Variants in COL22A1 observed in about 807,000 individuals in gnomAD.
COL22A1 encodes collagen alpha-1(XXII) chain.
COL22A1 carries 221 observed loss-of-function variants against 248.9 expected under a neutral mutation model. That is an observed-to-expected ratio of 0.89 (90% CI 0.80 to 0.99). The LOEUF (loss-of-function observed/expected upper bound fraction) is 0.99, where lower values mean the gene tolerates loss of function less well. Among genes scored for constraint, COL22A1 ranks in the 50% least tolerant of loss-of-function variants. The pLI, the probability that COL22A1 is intolerant of heterozygous loss-of-function variation, is 0.00. For synonymous variants in COL22A1, 891 were observed against 793.4 expected (o/e 1.12, Z -2.07); for missense variants, 2,240 against 2,179.0 (o/e 1.03, Z -0.56).
chr8:138,650,670 TTAGATAGATAGATAGATAGATAGA>T (rs6150847), intron 45 of COL22A1, among the ~76,000 whole-genome samples: 109,802 of 151,060 alleles, frequency 0.73, 41,726 homozygotes, highest in Middle Eastern at 0.9. Flanking sequence ...TCAAGAAAGA[TTAGATAGATAGATAGATAGATAGA>T]TAGATAGATA....
intron 30 of COL22A1, among the ~76,000 whole-genome samples, chr8:138,712,458 C>T (rs1309277809): frequency 6.6e-6 from 1 of 152,142 alleles, no homozygotes; most frequent in African/African-American, 2.4e-5. Context: ...CCTGTACCCC[C>T]TTTAGAGCCA....
chr8:138,723,909 A>G (rs1586575012), intron 25 of COL22A1, among the ~76,000 whole-genome samples: 1 of 152,052 alleles, frequency 6.6e-6, no homozygotes, highest in Non-Finnish European at 1.5e-5. Context: ...GTGTTACCCA[A>G]TCTGCTTCAC....
intron 1 of COL22A1, among the ~76,000 whole-genome samples, chr8:138,886,924 G>A (rs1563889083): frequency 1.3e-5 from 2 of 151,840 alleles, no homozygotes; most frequent in Admixed American, 6.6e-5. Flanking sequence ...TTTTAAAATT[G>A]TTGTGAGTAC....
chr8:138,863,424 G>A (rs1418954013), intron 3 of COL22A1, among the ~76,000 whole-genome samples: 1 of 152,092 alleles, frequency 6.6e-6, no homozygotes. Context: ...TGAGGAGGGC[G>A]ATGAGCTGAC....
At chr8:138,673,808 T>A (rs1435406435) in intron 41 of COL22A1, among the ~76,000 whole-genome samples, 1 of 152,040 alleles carries the variant, frequency 6.6e-6, no homozygotes, top group East Asian at 1.9e-4. Flanking sequence ...TGCCCAGGGC[T>A]TTCTTTAGCT....
Position 138,846,417 on chromosome 8 carries a change from C to T in COL22A1, c.659-2259G>A, listed in dbSNP as rs543097135. Among the ~76,000 whole-genome samples, 85 of 152,272 alleles carry T rather than the reference C, an allele frequency of 5.6e-4. No homozygotes were observed. The South Asian group carries it at 0.017, about 30-fold the overall frequency. On this transcript the variant is annotated intron_variant, in intron 3 of 64. Transcript: ENST00000303045. ...AATTTCCCAAGGGGAGGACCACGCACACAGAAATGATGGAGATTCTACTCA... is the reference window on the plus strand; with the variant it reads ...AATTTCCCAAGGGGAGGACCACGCATACAGAAATGATGGAGATTCTACTCA...
At chr8:138,819,084 T>G (rs1053672812) in intron 7 of COL22A1, among the ~76,000 whole-genome samples, 7 of 152,162 alleles carry the variant, frequency 4.6e-5, no homozygotes, top group Non-Finnish European at 8.8e-5. Flanking sequence ...TCAGCTTAAT[T>G]TTTAAAAATT....
chr8:138,703,353 T>C lies in COL22A1; in HGVS notation c.2518-6A>G. On this transcript the variant is annotated splice_polypyrimidine_tract_variant and splice_region_variant and intron_variant, in intron 30 of 64. Transcript: ENST00000303045. ...CCTGCAGGACCAGCTTCACCCTAGA[T>C]GGAGAAATGGAAAATCCATGACCAT... 4 of 1,613,104 alleles carry C rather than the reference T, an allele frequency of 2.5e-6. No individual in the cohort carries two copies. The highest frequency in any genetic ancestry group is 2.2e-5 in the East Asian group (1 of 44,838).
chr8:138,651,061 G>C (rs1822688586), intron 45 of COL22A1, among the ~76,000 whole-genome samples: 1 of 152,116 alleles, frequency 6.6e-6, no homozygotes, highest in Non-Finnish European at 1.5e-5. Flanking sequence ...ATTTCAGGAT[G>C]GTCAAGTTTT....
At chr8:138,782,311 C>T (rs577709629) in intron 12 of COL22A1, among the ~76,000 whole-genome samples, 13 of 152,272 alleles carry the variant, frequency 8.5e-5, no homozygotes, top group East Asian at 1.9e-4. Context: ...TTGACCTCCT[C>T]GGCTCAAGCA....
intron 64 of COL22A1, among the ~76,000 whole-genome samples, chr8:138,590,668 G>C (rs1237424864): frequency 6.6e-6 from 1 of 152,068 alleles, no homozygotes; most frequent in African/African-American, 2.4e-5. Flanking sequence ...ATTCAGATTT[G>C]ACCTCAGGCA....
At position 138,716,855 on chromosome 8, in the gene COL22A1, C is replaced by T; in HGVS notation, c.2370G>A (p.Glu790=). 1 of 1,611,956 alleles carries T rather than the reference C, an allele frequency of 6.2e-7. No homozygotes were observed. The highest frequency in any genetic ancestry group is 8.5e-7 in the Non-Finnish European group (1 of 1,178,004). ...CTCCAGGTCGGCCTGCCAGGCCCTG[C>T]TCCCCAATTTCTCCCTGAAAATGCA... is the stretch of plus-strand genomic sequence containing the variant. ...GKPGLRGEIG[E]QGLAGRPGEK... is the part of the protein sequence containing the mutation. The change falls in exon 28 of 65, where the codon GAG becomes GAA. Residue 790 remains glutamate (E), a synonymous_variant. Coordinates refer to ENST00000303045, the MANE Select transcript of COL22A1 (RefSeq NM_152888.3).
At chr8:138,913,408 C>T (rs1251783136) in intron 1 of COL22A1, among the ~76,000 whole-genome samples, 1 of 152,174 alleles carries the variant, frequency 6.6e-6, no homozygotes, top group Non-Finnish European at 1.5e-5. Flanking sequence ...TAAGTCAAGA[C>T]ACAGACACAT....
In COL22A1 at chr8:138,598,746, T is replaced by A. The variant is rs1158521855; in HGVS notation, c.4338A>T (p.Pro1446=). ...TCAGTCCTGGAAATCCCGGCTGGCC[T>A]GGAGGCCCTGGGGGTCCAACTGGTC... ...ENGPVGPPGP[P]GQPGFPGLRG... Residue 1446 remains proline (P), a synonymous_variant, in exon 61 of 65, where the codon CCA becomes CCT. Coordinates refer to ENST00000303045, the MANE Select transcript of COL22A1 (RefSeq NM_152888.3). 2 of 1,613,826 alleles carry A rather than the reference T, an allele frequency of 1.2e-6. No individual in the cohort carries two copies. Among genetic ancestry groups the A allele is most frequent in the Middle Eastern group, 1.7e-4 (1 of 5,980 alleles).
intron 2 of COL22A1, among the ~76,000 whole-genome samples, chr8:138,882,114 G>A (rs914156222): frequency 6.6e-6 from 1 of 151,972 alleles, no homozygotes; most frequent in Non-Finnish European, 1.5e-5. Flanking sequence ...AACACAGCCA[G>A]GTCCTCACCC....
At chr8:138,856,255 T>A (rs868090421) in intron 3 of COL22A1, among the ~76,000 whole-genome samples, 1 of 152,244 alleles carries the variant, frequency 6.6e-6, no homozygotes, top group African/African-American at 2.4e-5. Context: ...ACAGACTGCA[T>A]GTCTCTGCAT....
intron 44 of COL22A1, among the ~76,000 whole-genome samples, chr8:138,657,897 C>T (rs1466888369): frequency 1.3e-5 from 2 of 152,210 alleles, no homozygotes; most frequent in African/African-American, 2.4e-5. Flanking sequence ...GTTCCATTCA[C>T]ACTCCAGAGT....
At chr8:138,772,336 G>A (rs1563742730) in intron 16 of COL22A1, among the ~76,000 whole-genome samples, 2 of 152,170 alleles carry the variant, frequency 1.3e-5, no homozygotes, top group Non-Finnish European at 2.9e-5. Context: ...TATGTGTGTG[G>A]GGGTGGGTGG....
At chr8:138,759,986 AATATTAT>A (rs956166331) in intron 18 of COL22A1, among the ~76,000 whole-genome samples, 3 of 151,724 alleles carry the variant, frequency 2.0e-5, no homozygotes, top group South Asian at 2.1e-4. Flanking sequence ...ACTTTATATA[AATATTAT>A]ATATTATATA....
Sources: allele counts gnomAD v4.1 joint callset (sites outside exome capture counted in the v4.1 genomes callset), GRCh38; gene constraint gnomAD v4.1.1; transcripts MANE v1.5; gene names NCBI Gene and HGNC (gene_info 2026-07-23, HGNC 2026-07-21).